Variants in EFCAB14 observed in about 807,000 individuals in gnomAD.
EFCAB14 encodes the protein EF-hand calcium-binding domain-containing protein 14.
Under a neutral mutation model 56.5 loss-of-function variants are expected in EFCAB14, and 43 were observed. The observed-to-expected ratio is 0.76, with a 90% CI of 0.60 to 0.98. EFCAB14 has a LOEUF of 0.98. Among genes scored for constraint, EFCAB14 ranks in the 50% least tolerant of loss-of-function variants. EFCAB14 has a pLI of 0.00. For synonymous variants in EFCAB14, 235 were observed against 212.9 expected (o/e 1.10, Z -0.90); for missense variants, 538 against 580.3 (o/e 0.93, Z 0.75).
rs1676923688 is a variant in EFCAB14 at position 46,688,394 on chromosome 1, T to C, written c.946A>G (p.Met316Val). The change falls in exon 7 of 11, where the codon ATG (methionine) becomes GTG (valine). Residue 316 changes from methionine (M) to valine (V), a missense_variant. Physicochemically the swap from Met to Val is conservative, Grantham distance 21. Transcript: ENST00000371933. ...VNLIESDVVA[M>V]SKVEKKANLS... ...TTTGCTTTCTTTTCTACCTTGCTCA[T>C]AGCAACCACATCGCTTTCTATCAGG... The C allele has an allele frequency of 1.2e-6, 2 of 1,613,984 alleles. No individual in the cohort carries two copies. The highest frequency in any genetic ancestry group is 1.7e-6 in the Non-Finnish European group (2 of 1,179,896).
chr1:46,706,829 T>A (rs976068728), intron 3 of EFCAB14, among the ~76,000 whole-genome samples: 1 of 152,228 alleles, frequency 6.6e-6, no homozygotes, highest in Non-Finnish European at 1.5e-5. Context: ...ATGGAAAGTG[T>A]CATAAGGCAC....
intron 9 of EFCAB14, among the ~76,000 whole-genome samples, 176 bp from the exon 10 acceptor site, chr1:46,683,601 G>A (rs1676831922): frequency 6.6e-6 from 1 of 152,202 alleles, no homozygotes; most frequent in Non-Finnish European, 1.5e-5. Context: ...ACATATTTGT[G>A]GGCAAGGGAA....
intron 10 of EFCAB14, among the ~76,000 whole-genome samples, chr1:46,681,536 C>A (rs1676794779): frequency 6.6e-6 from 1 of 152,188 alleles, no homozygotes; most frequent in Non-Finnish European, 1.5e-5. Context: ...GAATAGGGCC[C>A]TACTCTCACT....
chr1:46,716,380 G>T lies in EFCAB14; in HGVS notation c.249C>A (p.Ala83=), dbSNP rs1335884504. 5.6e-6 allele frequency: 9 copies of T among 1,613,816 alleles called. No individual in the cohort carries two copies. The highest frequency in any genetic ancestry group is 7.6e-6 in the Non-Finnish European group (9 of 1,180,010). The change falls in exon 2 of 11, where the codon GCC becomes GCA. Residue 83 remains alanine, a synonymous_variant. Transcript: ENST00000371933. ...YPLCGFVILA[A]CVVACVGLVW... Reference sequence around the variant, plus strand: ...CCAAGCCAACACAGGCCACAACACAGGCAGCAAGGATGACAAAACCACAGA... The same window carrying T: ...CCAAGCCAACACAGGCCACAACACATGCAGCAAGGATGACAAAACCACAGA...
chr1:46,691,061 G>A (rs1212610054), intron 5 of EFCAB14, among the ~76,000 whole-genome samples: 1 of 151,988 alleles, frequency 6.6e-6, no homozygotes, highest in East Asian at 1.9e-4. Flanking sequence ...AATCCTTCAC[G>A]GGGCTGTCAC....
chr1:46,714,085 T>A (rs994430356), intron 2 of EFCAB14, among the ~76,000 whole-genome samples: 2 of 152,066 alleles, frequency 1.3e-5, no homozygotes, highest in African/African-American at 4.8e-5. Flanking sequence ...ATTTTTTTTT[T>A]AAGCAACATC....
At chr1:46,701,288 A>G (rs1677153188) in intron 3 of EFCAB14, among the ~76,000 whole-genome samples, 1 of 152,294 alleles carries the variant, frequency 6.6e-6, no homozygotes, top group African/African-American at 2.4e-5. Context: ...AATGCTAGGA[A>G]GGGTTCCTGC....
intron 3 of EFCAB14, among the ~76,000 whole-genome samples, chr1:46,703,579 A>G (rs763772449): frequency 6.6e-6 from 1 of 152,212 alleles, no homozygotes; most frequent in Non-Finnish European, 1.5e-5. Flanking sequence ...TATTTTTTCC[A>G]TAGGGAACAT....
intron 3 of EFCAB14, among the ~76,000 whole-genome samples, chr1:46,703,069 C>G (rs2148847750): frequency 6.6e-6 from 1 of 151,572 alleles, no homozygotes; most frequent in South Asian, 2.1e-4. Flanking sequence ...ACAACTGTTC[C>G]TTGGGGAAAC....
chr1:46,716,446 G>C lies in EFCAB14; in HGVS notation c.186-3C>G. 1 of 1,613,656 alleles carries C rather than the reference G, an allele frequency of 6.2e-7. No homozygotes were observed. Reference sequence around the variant, plus strand: ...TGCAGCATCGTAAATAGTCTCCCCTGCTCAAGAGGACAAATTCAACCATGA... The same window carrying C: ...TGCAGCATCGTAAATAGTCTCCCCTCCTCAAGAGGACAAATTCAACCATGA... On this transcript the variant is annotated splice_region_variant and splice_polypyrimidine_tract_variant and intron_variant, in intron 1 of 10. Coordinates refer to ENST00000371933, the MANE Select transcript of EFCAB14 (RefSeq NM_014774.3).
At chr1:46,715,094 T>C (rs1186040128) in intron 2 of EFCAB14, among the ~76,000 whole-genome samples, 4 of 152,228 alleles carry the variant, frequency 2.6e-5, no homozygotes, top group East Asian at 3.8e-4. Context: ...GTGTTACTAG[T>C]ATAAGCACAG....
intron 6 of EFCAB14, 54 bp from the exon 7 acceptor site, chr1:46,688,598 A>C: frequency 6.7e-7 from 1 of 1,482,186 alleles, no homozygotes. Context: ...AAATTAGACA[A>C]GCAGGCCAGC....
intron 4 of EFCAB14, among the ~76,000 whole-genome samples, chr1:46,693,998 A>C (rs1046627994): frequency 6.6e-6 from 1 of 152,370 alleles, no homozygotes; most frequent in African/African-American, 2.4e-5. Context: ...TATTTAATAA[A>C]TGGTGCTGGG....
At position 46,678,082 on chromosome 1, in the gene EFCAB14, T is replaced by C. The variant is rs758945446; in HGVS notation, c.*379A>G. The C allele has an allele frequency of 3.8e-4, 61 of 161,904 alleles. 1 individual carries two copies. The highest frequency in any genetic ancestry group is 5.8e-3 in the Middle Eastern group (2 of 344). 10.0% of individuals were successfully genotyped at this position (161,904 alleles called of 1,614,324 possible). The stretch of plus-strand genomic sequence containing the variant: ...TTTCTGAGTCTCTATAAAGTGCAGC[T>C]AATTTAAGGCAAATTTAAGTGAAAT... On this transcript the variant is annotated 3_prime_UTR_variant, in exon 11 of 11. Transcript: ENST00000371933.
intron 4 of EFCAB14, among the ~76,000 whole-genome samples, chr1:46,696,144 G>A (rs1430502122): frequency 6.8e-6 from 1 of 147,998 alleles, no homozygotes; most frequent in African/African-American, 2.5e-5. Context: ...ATTATGGAAA[G>A]TAACAGAGAT....
At chr1:46,713,373 A>G (rs1224343109) in intron 2 of EFCAB14, among the ~76,000 whole-genome samples, 1 of 152,222 alleles carries the variant, frequency 6.6e-6, no homozygotes, top group Non-Finnish European at 1.5e-5. Context: ...TCAATGGTAG[A>G]AAGCAGGGTC....
rs1177905543 is a variant in EFCAB14 at position 46,696,672 on chromosome 1, C to T, written c.481-23G>A. The T allele has an allele frequency of 1.9e-6, 3 of 1,605,798 alleles. No homozygotes were observed. In the South Asian group the frequency reaches 3.3e-5, roughly 18 times the overall value. ...AATCTGAACAAAAAAGAGTAACAAA[C>T]AATGAAAACAAATGAGAATTTGTAG... On this transcript the variant is annotated intron_variant, in intron 3 of 10. Coordinates refer to ENST00000371933, the MANE Select transcript of EFCAB14 (RefSeq NM_014774.3).
At chr1:46,687,763 G>A (rs146323606) in intron 7 of EFCAB14, among the ~76,000 whole-genome samples, 4 of 152,212 alleles carry the variant, frequency 2.6e-5, no homozygotes, top group African/African-American at 9.6e-5. Context: ...GTGCACAGTC[G>A]GCCAGCATCA....
intron 2 of EFCAB14, among the ~76,000 whole-genome samples, chr1:46,709,177 T>C (rs1677273580): frequency 6.6e-6 from 1 of 152,234 alleles, no homozygotes; most frequent in South Asian, 2.1e-4. Context: ...AATTAAAATT[T>C]TAAGCACTCA....
Sources: gnomAD v4.1 joint callset for allele counts (sites outside exome capture counted in the v4.1 genomes callset) on GRCh38, gnomAD v4.1.1 for gene constraint, MANE v1.5 for transcripts, NCBI Gene and HGNC (gene_info 2026-07-23, HGNC 2026-07-21) for gene names.